Variants in GRM5 observed in about 807,000 individuals in gnomAD.
The protein encoded by GRM5 is metabotropic glutamate receptor 5.
A neutral mutation model predicts 83.1 loss-of-function variants in GRM5; 19 were observed. That is an observed-to-expected ratio of 0.23 (90% confidence interval 0.16 to 0.34). The LOEUF is 0.34. Among genes scored for constraint, GRM5 ranks in the 10% least tolerant of loss-of-function variants. GRM5 has a pLI of 1.00. For missense variants in GRM5, 1,160 were observed against 1,588.3 expected, an observed-to-expected ratio of 0.73 and a Z score of 4.58; for synonymous variants, 675 against 633.6, an observed-to-expected ratio of 1.07 and a Z score of -0.98.
At chr11:88,901,176 A>G (rs966027764) in intron 2 of GRM5, among the ~76,000 whole-genome samples, 30 of 152,102 alleles carry the variant, frequency 2.0e-4, no homozygotes, top group African/African-American at 6.5e-4. Flanking sequence ...GAGCTTAGTC[A>G]AGTCATTTTC....
At chr11:88,618,232 A>G (rs1034909116) in intron 4 of GRM5, among the ~76,000 whole-genome samples, 4 of 152,228 alleles carry the variant, frequency 2.6e-5, no homozygotes, top group Non-Finnish European at 5.9e-5. Flanking sequence ...ATTCTCCATT[A>G]GATTTAAACA....
intron 8 of GRM5, among the ~76,000 whole-genome samples, chr11:88,543,230 G>A (rs533173761): frequency 1.4e-4 from 22 of 152,312 alleles, no homozygotes; most frequent in African/African-American, 4.8e-4. Flanking sequence ...AGCGATAAGA[G>A]CTGATTAAGT....
chr11:88,568,268 G>GT (rs1942913740), intron 7 of GRM5, among the ~76,000 whole-genome samples: 1 of 152,092 alleles, frequency 6.6e-6, no homozygotes, highest in Non-Finnish European at 1.5e-5. Context: ...AAAAAAATCA[G>GT]TGGCCTTTTA....
intron 4 of GRM5, among the ~76,000 whole-genome samples, chr11:88,619,177 G>A (rs574775532): frequency 6.6e-6 from 1 of 152,276 alleles, no homozygotes; most frequent in African/African-American, 2.4e-5. Context: ...CAGGGAAACT[G>A]GAACTTTGAA....
At chr11:88,596,543 G>C (rs937216536) in intron 6 of GRM5, among the ~76,000 whole-genome samples, 1 of 151,982 alleles carries the variant, frequency 6.6e-6, no homozygotes, top group African/African-American at 2.4e-5. Context: ...TTATTCACTT[G>C]TTTCTGGACA....
At position 88,863,474 on chromosome 11, in the gene GRM5, A is replaced by C. The variant is rs1299254385; in HGVS notation, c.662-13319T>G. Among the ~76,000 whole-genome samples, 3 of 152,156 alleles carry C rather than the reference A, an allele frequency of 2.0e-5. No homozygotes were observed. The East Asian group carries it at 5.8e-4, about 29-fold the overall frequency. On this transcript the variant is annotated intron_variant, in intron 2 of 9. Transcript: ENST00000305447. Reference sequence around the variant, plus strand: ...ATGTCCTTTGCAGGGACATGGACTAAGCTGGAAGCCATTATCCTTAGCAAA... The same window carrying C: ...ATGTCCTTTGCAGGGACATGGACTACGCTGGAAGCCATTATCCTTAGCAAA...
intron 8 of GRM5, among the ~76,000 whole-genome samples, chr11:88,552,115 C>T (rs1942523657): frequency 6.6e-6 from 1 of 151,716 alleles, no homozygotes; most frequent in African/African-American, 2.4e-5. Context: ...GCCTCAAACT[C>T]CTGGGCTCAA....
chr11:89,060,110 C>G (rs143556830), intron 1 of GRM5, among the ~76,000 whole-genome samples: 86 of 152,042 alleles, frequency 5.7e-4, no homozygotes, highest in Non-Finnish European at 9.6e-4. Flanking sequence ...TAAAATAATC[C>G]CATAATGTTT....
At chr11:88,630,550 C>A in intron 4 of GRM5, among the ~76,000 whole-genome samples, 1 of 51,146 alleles carries the variant, frequency 2.0e-5, no homozygotes, top group East Asian at 8.0e-4. Flanking sequence ...CACACACACA[C>A]ACACACACAC....
intron 1 of GRM5, among the ~76,000 whole-genome samples, chr11:89,050,046 G>A (rs1402494169): frequency 6.6e-6 from 1 of 152,138 alleles, no homozygotes; most frequent in Non-Finnish European, 1.5e-5. Flanking sequence ...AGTGATATGA[G>A]AGACCTGGTG....
intron 3 of GRM5, among the ~76,000 whole-genome samples, chr11:88,736,738 C>A (rs1357122496): frequency 6.6e-6 from 1 of 151,866 alleles, no homozygotes; most frequent in Non-Finnish European, 1.5e-5. Flanking sequence ...CCATGTAATC[C>A]CTTGCAGGAA....
intron 3 of GRM5, among the ~76,000 whole-genome samples, chr11:88,688,878 C>T (rs1052745831): frequency 1.3e-5 from 2 of 152,058 alleles, no homozygotes; most frequent in African/African-American, 4.8e-5. Context: ...AGTTAACCTC[C>T]ATGAGACATG....
intron 3 of GRM5, among the ~76,000 whole-genome samples, chr11:88,820,312 TTGCAG>T (rs200762715): frequency 2.2e-5 from 3 of 137,718 alleles, no homozygotes; most frequent in East Asian, 4.5e-4. Flanking sequence ...GAGGCAGAAC[TTGCAG>T]TGAGCTGAGA....
At chr11:88,827,305 T>A (rs1295706265) in intron 3 of GRM5, among the ~76,000 whole-genome samples, 1 of 152,184 alleles carries the variant, frequency 6.6e-6, no homozygotes, top group Admixed American at 6.5e-5. Flanking sequence ...TTTTCCTCCC[T>A]TAATCTTCCA....
chr11:88,791,722 TACTC>T (rs978777557), intron 3 of GRM5, among the ~76,000 whole-genome samples: 4 of 152,192 alleles, frequency 2.6e-5, no homozygotes, highest in African/African-American at 9.6e-5. Flanking sequence ...TATTTTAAGA[TACTC>T]TATCAATATT....
At chr11:88,839,800 C>A (rs1230514701) in intron 3 of GRM5, among the ~76,000 whole-genome samples, 1 of 152,056 alleles carries the variant, frequency 6.6e-6, no homozygotes, top group East Asian at 1.9e-4. Flanking sequence ...TACTGTTGAC[C>A]CAAATCCTTA....
intron 2 of GRM5, among the ~76,000 whole-genome samples, chr11:88,880,971 C>A (rs1157900294): frequency 6.6e-6 from 1 of 151,962 alleles, no homozygotes; most frequent in African/African-American, 2.4e-5. Flanking sequence ...AAGAAGGACA[C>A]AACACTGACC....
At chr11:88,902,155 G>GTT (rs970914860) in intron 2 of GRM5, among the ~76,000 whole-genome samples, 4 of 143,458 alleles carry the variant, frequency 2.8e-5, no homozygotes, top group African/African-American at 1.0e-4. Context: ...AAGTTTTTTT[G>GTT]TTTTTTTTTT....
At chr11:88,891,424 C>G (rs1457181413) in intron 2 of GRM5, among the ~76,000 whole-genome samples, 1 of 152,006 alleles carries the variant, frequency 6.6e-6, no homozygotes, top group African/African-American at 2.4e-5. Context: ...AATTGTCTTT[C>G]CTGATGCGTG....
Sources: gnomAD v4.1 joint callset for allele counts (sites outside exome capture counted in the v4.1 genomes callset) on GRCh38, gnomAD v4.1.1 for gene constraint, MANE v1.5 for transcripts, NCBI Gene and HGNC (gene_info 2026-07-23, HGNC 2026-07-21) for gene names.